Variants in CEP192 observed in about 807,000 individuals in gnomAD.
The protein encoded by CEP192 is centrosomal protein 192.
CEP192 carries 151 observed loss-of-function variants against 271.8 expected under a neutral mutation model. That is an observed-to-expected ratio of 0.56 (90% CI 0.49 to 0.64). The LOEUF (loss-of-function observed/expected upper bound fraction) is 0.64. Ranked by LOEUF, CEP192 falls within the 30% of genes least tolerant of loss-of-function variation. The pLI is 0.00. For missense variants in CEP192, 2,910 were observed against 3,020.5 expected, an observed-to-expected ratio of 0.96 and a Z score of 0.86; for synonymous variants, 995 against 1,076.5, an observed-to-expected ratio of 0.92 and a Z score of 1.48.
intron 30 of CEP192, among the ~76,000 whole-genome samples, chr18:13,082,706 C>T (rs1193377819): frequency 1.3e-5 from 2 of 151,880 alleles, no homozygotes; most frequent in Non-Finnish European, 2.9e-5. Flanking sequence ...GATGTAGTTT[C>T]TTCCTAGCCT....
rs1417827342 is a variant in CEP192, at chr18:13,079,430, GTCT to G, written c.5616+6250_5616+6252del. Among the ~76,000 whole-genome samples, 4 of 152,280 alleles carry G rather than the reference GTCT, an allele frequency of 2.6e-5. No homozygotes were observed. The East Asian group carries it at 7.7e-4, about 29-fold the overall frequency. On this transcript the variant is annotated intron_variant, in intron 30 of 44. Transcript: ENST00000506447. ...TCATGTGTCTGTTGGCTGCATAAATGTCTTCTTTTGAGAAGTGTCTGTTCATAT... is the reference window on the plus strand; with the variant it reads ...TCATGTGTCTGTTGGCTGCATAAATGTCTTTTGAGAAGTGTCTGTTCATAT...
Position 13,114,122 on chromosome 18 carries a change from C to A in CEP192, c.7168-8C>A. On this transcript the variant is annotated splice_region_variant and splice_polypyrimidine_tract_variant and intron_variant, in intron 41 of 44. Coordinates refer to ENST00000506447, the MANE Select transcript of CEP192 (RefSeq NM_032142.4). ...TCTTCTCCGTTACCCTGTGATTTTT[C>A]TGTATAGAGCATCGAAGCAGAAAAT... 1 of 1,608,322 alleles carries A rather than the reference C, an allele frequency of 6.2e-7. No homozygotes were observed. The highest frequency in any genetic ancestry group is 8.5e-7 in the Non-Finnish European group (1 of 1,178,416).
At position 13,123,542 on chromosome 18, in the gene CEP192, T is replaced by G. The variant is rs992908171; in HGVS notation, c.7476-1090T>G. On this transcript the variant is annotated intron_variant, in intron 44 of 44. Transcript: ENST00000506447. ...GCTGGAAACCGAAACGTACATCACT[T>G]CTGGTTGCCAGTCTTTAAAACACAC... Among the ~76,000 whole-genome samples the G allele has an allele frequency of 6.6e-5, 10 of 152,260 alleles. 2 individuals carry two copies. Among genetic ancestry groups the G allele is most frequent in the Admixed American group, 6.5e-4 (10 of 15,280 alleles).
intron 9 of CEP192, among the ~76,000 whole-genome samples, chr18:13,026,617 A>G (rs966639832): frequency 6.6e-6 from 1 of 152,106 alleles, no homozygotes; most frequent in Non-Finnish European, 1.5e-5. Context: ...TTAGAAGTCC[A>G]TTGGCATATC....
At chr18:13,080,481 T>C (rs1033395068) in intron 30 of CEP192, among the ~76,000 whole-genome samples, 3 of 152,236 alleles carry the variant, frequency 2.0e-5, no homozygotes, top group African/African-American at 7.2e-5. Flanking sequence ...TTTTGCACAC[T>C]GATTTTGTAT....
Position 13,070,960 on chromosome 18 carries a change from G to A in CEP192, c.5175-79G>A, listed in dbSNP as rs112732489. The A allele has an allele frequency of 2.4e-5, 29 of 1,203,572 alleles. 1 individual carries two copies. The highest frequency in any genetic ancestry group is 2.4e-4 in the African/African-American group (16 of 66,458). The allele number at this position is 1,203,572 out of a possible 1,614,324, so 74.6% of individuals were successfully genotyped here. A position where few individuals can be genotyped will look rare whatever the true frequency, so the allele number is the denominator to read the frequency against. ...TCCCCAGCACCCAGTTCAGTCTTTT[G>A]GACAATGGAAACATATAGGAAATAG... On this transcript the variant is annotated intron_variant, in intron 27 of 44. Transcript: ENST00000506447.
In CEP192 at chr18:13,051,612, C is replaced by T. The variant is rs538729525; in HGVS notation, c.3018-1307C>T. 1.5e-3 allele frequency among the ~76,000 whole-genome samples: 235 copies of T among 152,216 alleles called. 11 individuals are homozygous for T. The South Asian group carries it at 0.045, about 29-fold the overall frequency. ...AGGCTGGAGTGCAGTGGTGCAATCT[C>T]GGCTCACTGCAAGCGCCGCCTCCCA... is the stretch of plus-strand genomic sequence containing the variant. On this transcript the variant is annotated intron_variant, in intron 17 of 44. Transcript: ENST00000506447.
At chr18:13,052,852 G>A in intron 17 of CEP192, 67 bp from the exon 18 acceptor site, 2 of 1,277,622 alleles carry the variant, frequency 1.6e-6, no homozygotes, top group Middle Eastern at 2.6e-4. Context: ...CATAGGAATG[G>A]TTTTTTGCTA....
rs144498751 is a variant in CEP192 at position 13,076,795 on chromosome 18, T to C, written c.5616+3610T>C. On this transcript the variant is annotated intron_variant, in intron 30 of 44. Coordinates refer to ENST00000506447, the MANE Select transcript of CEP192 (RefSeq NM_032142.4). ...TTTTAAATGCTGTTTATTTATTTAT[T>C]TATTTTGAGACATCATCTCACTCTG... Among the ~76,000 whole-genome samples the C allele has an allele frequency of 8.5e-5, 13 of 152,244 alleles. 1 individual carries two copies. The South Asian group carries it at 1.5e-3, about 17-fold the overall frequency.
intron 1 of CEP192, among the ~76,000 whole-genome samples, chr18:12,991,786 T>C (rs2032869601): frequency 6.6e-6 from 1 of 152,252 alleles, no homozygotes; most frequent in Non-Finnish European, 1.5e-5. Context: ...GCCCTCTCCG[T>C]GCTACCCTCT....
At chr18:13,035,960 C>T (rs1022549494) in intron 11 of CEP192, among the ~76,000 whole-genome samples, 7 of 151,780 alleles carry the variant, frequency 4.6e-5, no homozygotes, top group African/African-American at 1.7e-4. Flanking sequence ...GGATGGGCAA[C>T]ATGGCAAAAC....
At position 13,068,071 on chromosome 18, in the gene CEP192, C is replaced by T. The variant is rs192258826; in HGVS notation, c.4615-23C>T. 3.0e-5 allele frequency: 49 copies of T among 1,613,322 alleles called. No individual in the cohort carries two copies. In the East Asian group the frequency reaches 9.6e-4, roughly 32 times the overall value. ...GCATTACACTGTTGGCTTTACTGAA[C>T]TGATTCTTGTATTTCTAAACAGAAC... On this transcript the variant is annotated intron_variant, in intron 22 of 44. Coordinates refer to ENST00000506447, the MANE Select transcript of CEP192 (RefSeq NM_032142.4).
chr18:13,116,544 G>A, intron 43 of CEP192, 41 bp downstream of exon 43: 1 of 1,523,010 alleles, frequency 6.6e-7, no homozygotes, highest in Non-Finnish European at 9.0e-7. Flanking sequence ...AAAAATACAT[G>A]CATTCAACTC....
chr18:13,068,748 T>C (rs554863383), intron 24 of CEP192, 104 bp from the exon 25 acceptor site: 54 of 1,218,866 alleles, frequency 4.4e-5, no homozygotes, highest in Admixed American at 2.2e-4. Flanking sequence ...TCTGCTTGCC[T>C]AAATTTTCTT....
chr18:13,017,215 A>T lies in CEP192; in HGVS notation c.668A>T (p.Tyr223Phe). The T allele has an allele frequency of 6.5e-7, 1 of 1,548,860 alleles. No individual in the cohort carries two copies. Among genetic ancestry groups the T allele is most frequent in the South Asian group, 1.2e-5 (1 of 83,682 alleles). Residue 223 changes from tyrosine to phenylalanine, a missense_variant, in exon 7 of 45, where the codon TAT (tyrosine) becomes TTT (phenylalanine). Coordinates refer to ENST00000506447, the MANE Select transcript of CEP192 (RefSeq NM_032142.4). ...SDDDIDDEMF[Y>F]DDHLEAYFEQ... ...GATGATATTGATGATGAAATGTTTT[A>T]TGATGATCATTTGGAGGCTTATTTT...
Position 13,103,500 on chromosome 18 carries a change from T to A in CEP192, c.6872-9T>A. The A allele has an allele frequency of 6.2e-7, 1 of 1,610,846 alleles. No homozygotes were observed. The highest frequency in any genetic ancestry group is 8.5e-7 in the Non-Finnish European group (1 of 1,177,168). On this transcript the variant is annotated splice_polypyrimidine_tract_variant and intron_variant, in intron 38 of 44. Transcript: ENST00000506447. The stretch of plus-strand genomic sequence containing the variant: ...CGAGTTTGAGTTATGATATATGTGT[T>A]CCTTTTAGAGAGCTGTCTAGAACTC...
chr18:13,055,687 A>C, intron 18 of CEP192, 93 bp from the exon 19 acceptor site: 1 of 879,134 alleles, frequency 1.1e-6, no homozygotes, highest in Non-Finnish European at 1.7e-6. Flanking sequence ...CCTCATGCAC[A>C]TCTCTTTGTT....
intron 31 of CEP192, 25 bp downstream of exon 31, chr18:13,087,302 A>G (rs537168939): frequency 6.4e-7 from 1 of 1,553,354 alleles, no homozygotes; most frequent in South Asian, 1.2e-5. Context: ...TTCTGTGCTA[A>G]AAACATCAAC....
At chr18:13,117,511 A>G (rs2040486820) in intron 43 of CEP192, 74 bp from the exon 44 acceptor site, 2 of 1,059,284 alleles carry the variant, frequency 1.9e-6, no homozygotes, top group Admixed American at 3.9e-5. Context: ...TAATAAATAA[A>G]TGCTTGGTAT....
Sources: allele counts gnomAD v4.1 joint callset (sites outside exome capture counted in the v4.1 genomes callset), GRCh38; gene constraint gnomAD v4.1.1; transcripts MANE v1.5; gene names NCBI Gene and HGNC (gene_info 2026-07-23, HGNC 2026-07-21).